Variants in KATNIP observed in about 807,000 individuals in gnomAD.
KATNIP encodes katanin interacting protein.
KATNIP carries 126 observed loss-of-function variants against 174.0 expected under a neutral mutation model. The ratio of observed to expected loss-of-function variants is 0.72; its 90% CI spans 0.63 to 0.84. The LOEUF (loss-of-function observed/expected upper bound fraction) is 0.84. KATNIP is among the 40% of genes least tolerant of loss of function. The pLI, the probability that KATNIP is intolerant of heterozygous loss-of-function variation, is 0.00. For missense variants in KATNIP, 1,958 were observed against 2,109.7 expected, an observed-to-expected ratio of 0.93 and a Z score of 1.41; for synonymous variants, 810 against 835.7, an observed-to-expected ratio of 0.97 and a Z score of 0.53.
chr16:27,628,672 A>C lies in KATNIP; in HGVS notation c.152A>C (p.His51Pro). ...LLQQRNRILKHLKSKDPVQLR... is the reference protein window; with the variant it reads ...LLQQRNRILKPLKSKDPVQLR... ...CGTTTCTCTTTCAGGATATTAAAGC[A>C]TTTGAAAAGCAAGGACCCCGTGCAA... Residue 51 changes from histidine to proline, a missense_variant, in exon 4 of 28, where the codon CAT becomes CCT. By Grantham distance (77) the His-to-Pro change is moderately conservative. Coordinates refer to ENST00000261588, the MANE Select transcript of KATNIP (RefSeq NM_015202.5). The C allele has an allele frequency of 6.2e-7, 1 of 1,614,162 alleles. No homozygotes were observed. The highest frequency in any genetic ancestry group is 8.5e-7 in the Non-Finnish European group (1 of 1,180,012).
intron 2 of KATNIP, among the ~76,000 whole-genome samples, chr16:27,601,744 A>G (rs2075533043): frequency 6.6e-6 from 1 of 152,130 alleles, no homozygotes; most frequent in Non-Finnish European, 1.5e-5. Context: ...CCGATGCCCA[A>G]CCCATAGGAG....
At chr16:27,560,787 G>C (rs918086568) in intron 1 of KATNIP, among the ~76,000 whole-genome samples, 5 of 152,198 alleles carry the variant, frequency 3.3e-5, no homozygotes, top group Non-Finnish European at 5.9e-5. Flanking sequence ...TTTGAGGGTA[G>C]AGACTCACTT....
intron 5 of KATNIP, chr16:27,631,396 T>C: frequency 2.1e-6 from 1 of 486,424 alleles, no homozygotes; most frequent in Non-Finnish European, 3.7e-6. Context: ...AAATAAAAAA[T>C]TCGCCAGGTG....
At chr16:27,716,954 T>C (rs1443510210) in intron 13 of KATNIP, among the ~76,000 whole-genome samples, 1 of 152,086 alleles carries the variant, frequency 6.6e-6, no homozygotes, top group Non-Finnish European at 1.5e-5. Flanking sequence ...GAGCGATTCT[T>C]CTGCCTCATC....
At chr16:27,761,345 C>G (rs2081947887) in intron 18 of KATNIP, 68 bp from the exon 19 acceptor site, 1 of 1,461,918 alleles carries the variant, frequency 6.8e-7, no homozygotes, top group Non-Finnish European at 9.2e-7. Flanking sequence ...ATTCCTCTTC[C>G]TGTCTTCATT....
chr16:27,721,637 A>G lies in KATNIP; in HGVS notation c.1685A>G (p.Gln562Arg), dbSNP rs747560797. 8.5e-5 allele frequency: 138 copies of G among 1,614,082 alleles called. No homozygotes were observed. The highest frequency in any genetic ancestry group is 1.0e-4 in the Admixed American group (6 of 60,006). ...QLFFVIRNTRQLGDFHLAKIK... is the reference protein window; with the variant it reads ...QLFFVIRNTRRLGDFHLAKIK... ...TTTTTTGTTATTCGAAACACAAGAC[A>G]GCTGGGGGACTTCCATCTGGCCAAG... The change falls in exon 14 of 28, where the codon CAG (glutamine) becomes CGG (arginine). Residue 562 changes from glutamine to arginine, a missense_variant. Gln to Arg is a conservative substitution (Grantham distance 43). This residue lies in a region of KATNIP where 1,557 missense variants were observed against 1,617.8 expected (regional missense o/e 0.96). Coordinates refer to ENST00000261588, the MANE Select transcript of KATNIP (RefSeq NM_015202.5).
intron 2 of KATNIP, among the ~76,000 whole-genome samples, chr16:27,593,887 G>A (rs2075256168): frequency 6.6e-6 from 1 of 152,146 alleles, no homozygotes; most frequent in South Asian, 2.1e-4. Flanking sequence ...TGATCCAGGT[G>A]CCTATGGTTA....
intron 9 of KATNIP, 52 bp from the exon 10 acceptor site, chr16:27,699,482 T>A (rs1192954226): frequency 1.9e-6 from 3 of 1,610,126 alleles, no homozygotes; most frequent in Non-Finnish European, 2.5e-6. Flanking sequence ...GTGAACAGCA[T>A]GGAGTGAATG....
At chr16:27,716,045 A>G (rs1281649000) in intron 13 of KATNIP, among the ~76,000 whole-genome samples, 1 of 152,190 alleles carries the variant, frequency 6.6e-6, no homozygotes, top group Non-Finnish European at 1.5e-5. Flanking sequence ...AAGTAGTAGA[A>G]ACAGCCAGAT....
At chr16:27,769,824 G>T in intron 20 of KATNIP, 37 bp from the exon 21 acceptor site, 1 of 1,604,508 alleles carries the variant, frequency 6.2e-7, no homozygotes, top group Non-Finnish European at 8.5e-7. Context: ...CACATGGCCT[G>T]CCTCCCTTCA....
chr16:27,771,092 A>G lies in KATNIP; in HGVS notation c.4134-496A>G, dbSNP rs80290133. ...CTCCCTGAGGCAGCCTGCCCCACCC[A>G]GTCCCTCTGCCCTGTCACCCCGTCC... is the stretch of plus-strand genomic sequence containing the variant. On this transcript the variant is annotated intron_variant, in intron 21 of 27. Transcript: ENST00000261588. Among the ~76,000 whole-genome samples the G allele has an allele frequency of 3.0e-4, 46 of 152,176 alleles. 1 individual carries two copies. The East Asian group carries it at 8.7e-3, about 29-fold the overall frequency.
At chr16:27,705,503 G>C (rs914489597) in intron 12 of KATNIP, among the ~76,000 whole-genome samples, 1 of 151,998 alleles carries the variant, frequency 6.6e-6, no homozygotes, top group Non-Finnish European at 1.5e-5. Flanking sequence ...CTCTCAGATA[G>C]GGTCAATAAT....
At chr16:27,775,646 G>A (rs763300737) in intron 24 of KATNIP, among the ~76,000 whole-genome samples, 4 of 152,346 alleles carry the variant, frequency 2.6e-5, no homozygotes, top group East Asian at 1.9e-4. Context: ...GTGAGAAGAC[G>A]TGGTTGGTTG....
chr16:27,680,072 A>C (rs1330111682), intron 7 of KATNIP, among the ~76,000 whole-genome samples: 2 of 151,806 alleles, frequency 1.3e-5, no homozygotes, highest in Non-Finnish European at 2.9e-5. Flanking sequence ...TAGCATCATC[A>C]TGGCGCTGGG....
intron 17 of KATNIP, among the ~76,000 whole-genome samples, chr16:27,752,509 C>A (rs754902765): frequency 7.9e-5 from 12 of 152,192 alleles, no homozygotes; most frequent in Admixed American, 2.0e-4. Context: ...AACTTGAATG[C>A]GTGATTCCAC....
At chr16:27,564,716 G>T (rs570179940) in intron 1 of KATNIP, among the ~76,000 whole-genome samples, 1 of 152,196 alleles carries the variant, frequency 6.6e-6, no homozygotes, top group Admixed American at 6.5e-5. Flanking sequence ...GGAATGAAGG[G>T]AAGGGGTGTT....
intron 12 of KATNIP, 32 bp from the exon 13 acceptor site, chr16:27,708,673 A>G (rs542262760): frequency 2.6e-6 from 4 of 1,567,204 alleles, no homozygotes; most frequent in Non-Finnish European, 2.6e-6. Context: ...GTCATGACTT[A>G]ATCCTTTGGT....
chr16:27,566,116 G>T (rs770794752), intron 1 of KATNIP, among the ~76,000 whole-genome samples: 1 of 151,464 alleles, frequency 6.6e-6, no homozygotes. Flanking sequence ...TTACAGGCAT[G>T]AGCCACTGTG....
intron 2 of KATNIP, among the ~76,000 whole-genome samples, chr16:27,578,516 T>G (rs904335198): frequency 4.0e-5 from 6 of 151,698 alleles, no homozygotes; most frequent in Non-Finnish European, 8.8e-5. Flanking sequence ...CTCCAGGGAG[T>G]GCCAGAGGAG....
Sources: allele counts gnomAD v4.1 joint callset (sites outside exome capture counted in the v4.1 genomes callset), GRCh38; gene constraint gnomAD v4.1.1; regional missense constraint gnomAD v4.1.1; transcripts MANE v1.5; gene names NCBI Gene and HGNC (gene_info 2026-07-23, HGNC 2026-07-21).